TMIGD3: variants seen among roughly 807,000 people sequenced by gnomAD.
TMIGD3 encodes the protein AD026 protein (AD026).
TMIGD3 carries 21 observed loss-of-function variants against 28.1 expected under a neutral mutation model. The observed-to-expected ratio is 0.75, with a 90% confidence interval of 0.53 to 1.08. TMIGD3 has a LOEUF of 1.08. TMIGD3 is among the 50% of genes least tolerant of loss of function. The probability of loss-of-function intolerance (pLI) is 0.00; values close to 1 mark genes in which losing one functional copy is unlikely to be tolerated. For synonymous variants in TMIGD3, 151 were observed against 162.1 expected, an observed-to-expected ratio of 0.93 and a Z score of 0.52; for missense variants, 416 against 435.6, an observed-to-expected ratio of 0.96 and a Z score of 0.40.
At chr1:111,517,217 CAT>C (rs1253040629) in intron 1 of TMIGD3, among the ~76,000 whole-genome samples, 3 of 152,194 alleles carry the variant, frequency 2.0e-5, no homozygotes, top group African/African-American at 7.2e-5. Flanking sequence ...AGACTGAGTC[CAT>C]ATCCTTTCTC....
chr1:111,500,367 G>T (rs776287652), intron 1 of TMIGD3: 144 of 1,614,212 alleles, frequency 8.9e-5, no homozygotes, highest in Non-Finnish European at 1.2e-4. Flanking sequence ...TGAGGAAGCT[G>T]AAGTATACCA....
rs543220910 is a variant in TMIGD3, at chr1:111,518,372, T to C, written c.108-27610A>G. 7.9e-5 allele frequency among the ~76,000 whole-genome samples: 12 copies of C among 152,354 alleles called. No homozygotes were observed. The South Asian group carries it at 2.5e-3, about 32-fold the overall frequency. On this transcript the variant is annotated intron_variant, in intron 1 of 5. Coordinates refer to the TMIGD3 transcript ENST00000369717. ...CCTCAACCCTATTGACATTGTGGAC[T>C]GGATAACTCTTTGTTGTGAGGAGCT... is the stretch of plus-strand genomic sequence containing the variant.
At chr1:111,554,669 C>A (rs951181997) in intron 1 of TMIGD3, among the ~76,000 whole-genome samples, 6 of 152,204 alleles carry the variant, frequency 3.9e-5, no homozygotes, top group Non-Finnish European at 8.8e-5. Context: ...GCACTTGGTA[C>A]AAGGTCCAAA....
chr1:111,492,105 C>T (rs1654696018), intron 1 of TMIGD3, among the ~76,000 whole-genome samples: 1 of 152,306 alleles, frequency 6.6e-6, no homozygotes, highest in South Asian at 2.1e-4. Context: ...GAGTAGGCTA[C>T]AGAGGGGCCC....
At chr1:111,499,704 A>G (rs1655061126) in intron 1 of TMIGD3, 11 of 1,316,148 alleles carry the variant, frequency 8.4e-6, no homozygotes, top group Non-Finnish European at 9.7e-6. Flanking sequence ...AATAATATCA[A>G]TAATACGTTG....
intron 1 of TMIGD3, among the ~76,000 whole-genome samples, chr1:111,529,997 C>G (rs368236454): frequency 0.027 from 1,468 of 53,844 alleles, 2 homozygotes; most frequent in East Asian, 0.05. Context: ...CCGGGCGGGG[C>G]GCTGACCCCC....
intron 1 of TMIGD3, among the ~76,000 whole-genome samples, chr1:111,548,852 T>C (rs1193466225): frequency 6.6e-6 from 1 of 152,246 alleles, no homozygotes; most frequent in African/African-American, 2.4e-5. Flanking sequence ...TGTTCTTGCT[T>C]CAATTTTAAC....
intron 1 of TMIGD3, among the ~76,000 whole-genome samples, chr1:111,498,009 C>T (rs1654973054): frequency 6.6e-6 from 1 of 152,114 alleles, no homozygotes; most frequent in African/African-American, 2.4e-5. Flanking sequence ...ACCCAAAGCC[C>T]TAGAATAAAC....
At chr1:111,491,676 C>T (rs1468015861) in intron 1 of TMIGD3, among the ~76,000 whole-genome samples, 1 of 152,072 alleles carries the variant, frequency 6.6e-6, no homozygotes, top group Non-Finnish European at 1.5e-5. Flanking sequence ...CATCAAAAAC[C>T]TCTATGAGTT....
intron 1 of TMIGD3, among the ~76,000 whole-genome samples, chr1:111,490,971 C>T (rs562910663): frequency 4.6e-5 from 7 of 152,320 alleles, no homozygotes; most frequent in African/African-American, 7.2e-5. Context: ...CTCCCTCCTG[C>T]GTAAATGGGC....
At chr1:111,523,763 T>G (rs1237525818) in intron 1 of TMIGD3, among the ~76,000 whole-genome samples, 1 of 152,098 alleles carries the variant, frequency 6.6e-6, no homozygotes, top group East Asian at 1.9e-4. Context: ...AAATAATATT[T>G]ACTGATTATC....
intron 1 of TMIGD3, among the ~76,000 whole-genome samples, chr1:111,520,874 T>C (rs1656034369): frequency 6.6e-6 from 1 of 152,232 alleles, no homozygotes; most frequent in African/African-American, 2.4e-5. Flanking sequence ...AAATTGCATA[T>C]ATTTAAAGTG....
At chr1:111,560,562 C>T (rs1439972298) in intron 1 of TMIGD3, among the ~76,000 whole-genome samples, 1 of 151,926 alleles carries the variant, frequency 6.6e-6, no homozygotes, top group Non-Finnish European at 1.5e-5. Flanking sequence ...GATCATAGCT[C>T]ACTGCAGCCT....
At chr1:111,523,194 A>G (rs1656139468) in intron 1 of TMIGD3, among the ~76,000 whole-genome samples, 2 of 152,194 alleles carry the variant, frequency 1.3e-5, no homozygotes, top group African/African-American at 2.4e-5. Flanking sequence ...TATCGGTGAT[A>G]CTGGATTTTG....
chr1:111,558,709 A>C (rs1048869557), intron 1 of TMIGD3, among the ~76,000 whole-genome samples: 4 of 152,156 alleles, frequency 2.6e-5, no homozygotes, highest in African/African-American at 9.7e-5. Context: ...GGAAGATATA[A>C]ACTTCTTAAC....
chr1:111,530,744 T>C (rs77303485), intron 1 of TMIGD3, among the ~76,000 whole-genome samples: 3,581 of 152,326 alleles, frequency 0.024, 132 homozygotes, highest in African/African-American at 0.075. Flanking sequence ...GTTTTTAAGA[T>C]TTTATCTTTA....
chr1:111,504,400 T>A (rs543216122), upstream of TMIGD3, among the ~76,000 whole-genome samples: 223 of 152,150 alleles, frequency 1.5e-3, 1 homozygote, highest in African/African-American at 5.3e-3. Flanking sequence ...CTCAGCCCCA[T>A]CCCCGCAGGA....
chr1:111,490,596 G>T, intron 2 of TMIGD3, 60 bp downstream of exon 2: 1 of 1,332,990 alleles, frequency 7.5e-7, no homozygotes, highest in Non-Finnish European at 1.1e-6. Flanking sequence ...GGACTTCAGT[G>T]CAAAGTCTCT....
chr1:111,505,393 C>T (rs1184665167), upstream of TMIGD3, among the ~76,000 whole-genome samples: 2 of 152,216 alleles, frequency 1.3e-5, no homozygotes, highest in Admixed American at 1.3e-4. Context: ...GCCCAGCCAC[C>T]TCTGCCCATC....
Sources: gnomAD v4.1 joint callset for allele counts (sites outside exome capture counted in the v4.1 genomes callset) on GRCh38, gnomAD v4.1.1 for gene constraint, MANE v1.5 for transcripts, NCBI Gene and HGNC (gene_info 2026-07-23, HGNC 2026-07-21) for gene names.